Variants in TNRC6C observed in about 807,000 individuals in gnomAD.
TNRC6C encodes trinucleotide repeat containing adaptor 6C, also known as trinucleotide repeat-containing gene 6C protein.
Under a neutral mutation model 153.7 loss-of-function variants are expected in TNRC6C, and 20 were observed. That is an observed-to-expected ratio of 0.13 (90% CI 0.09 to 0.19). TNRC6C has a LOEUF of 0.19. TNRC6C is among the 10% of genes least tolerant of loss of function. The pLI is 1.00. For missense variants in TNRC6C, 1,987 were observed against 2,172.0 expected, an observed-to-expected ratio of 0.91 and a Z score of 1.69; for synonymous variants, 811 against 841.4, an observed-to-expected ratio of 0.96 and a Z score of 0.63.
intron 1 of TNRC6C, among the ~76,000 whole-genome samples, chr17:77,972,143 G>C (rs1021876902): frequency 1.3e-5 from 2 of 152,040 alleles, no homozygotes; most frequent in Non-Finnish European, 2.9e-5. Flanking sequence ...TAATTGCAAA[G>C]ATCAACAAAA....
intron 7 of TNRC6C, among the ~76,000 whole-genome samples, chr17:78,074,330 A>G (rs1417635010): frequency 6.6e-6 from 1 of 152,202 alleles, no homozygotes; most frequent in Non-Finnish European, 1.5e-5. Flanking sequence ...CATGTCCACA[A>G]ATAACCACAA....
chr17:78,035,877 C>T (rs2072168105), intron 2 of TNRC6C, among the ~76,000 whole-genome samples: 1 of 152,108 alleles, frequency 6.6e-6, no homozygotes, highest in Non-Finnish European at 1.5e-5. Flanking sequence ...GAAATAAAAG[C>T]TCTTATCAAC....
In TNRC6C at chr17:77,971,522, G is replaced by A. The variant is rs149019943; in HGVS notation, c.-38+12254G>A. Among the ~76,000 whole-genome samples, 209 of 152,084 alleles carry A rather than the reference G, an allele frequency of 1.4e-3. 1 individual carries two copies. The highest frequency in any genetic ancestry group is 4.8e-3 in the African/African-American group (199 of 41,442). On this transcript the variant is annotated intron_variant, in intron 1 of 22. Coordinates refer to the TNRC6C transcript ENST00000636222. ...TTCCACATCTTGATGGCTTTTTAAT[G>A]GGCATTTCCACTGAACAGATCCAGA...
At chr17:78,066,045 A>G (rs997074320) in intron 4 of TNRC6C, among the ~76,000 whole-genome samples, 7 of 152,140 alleles carry the variant, frequency 4.6e-5, no homozygotes, top group Admixed American at 2.0e-4. Context: ...AGCCTGGCCA[A>G]CAAGGTGAAA....
At chr17:78,000,897 T>C (rs1200617551), upstream of TNRC6C, among the ~76,000 whole-genome samples, 1 of 152,216 alleles carries the variant, frequency 6.6e-6, no homozygotes, top group Non-Finnish European at 1.5e-5. Flanking sequence ...TTGCATGAAG[T>C]GGCTGGATTC....
At chr17:77,962,410 C>T (rs2070868788) in intron 1 of TNRC6C, among the ~76,000 whole-genome samples, 1 of 152,156 alleles carries the variant, frequency 6.6e-6, no homozygotes, top group Non-Finnish European at 1.5e-5. Flanking sequence ...AATCGTTTGG[C>T]TGTGAACTCT....
At chr17:78,096,506 C>G (rs1375774741) in intron 16 of TNRC6C, among the ~76,000 whole-genome samples, 1 of 152,250 alleles carries the variant, frequency 6.6e-6, no homozygotes, top group African/African-American at 2.4e-5. Context: ...TAAAGAGGTC[C>G]CTTGCAGCAG....
intron 11 of TNRC6C, among the ~76,000 whole-genome samples, chr17:78,086,220 C>T (rs1157016086): frequency 6.7e-6 from 1 of 149,956 alleles, no homozygotes; most frequent in Non-Finnish European, 1.5e-5. Context: ...ATCCCAGCTA[C>T]TCGGGAGGCT....
chr17:78,063,755 A>G (rs887866443), intron 3 of TNRC6C, among the ~76,000 whole-genome samples: 20 of 152,176 alleles, frequency 1.3e-4, no homozygotes, highest in African/African-American at 4.6e-4. Flanking sequence ...TTAATCTGCC[A>G]TCTTCTCATT....
In TNRC6C at chr17:78,079,598, G is replaced by A. The variant is rs2073143507; in HGVS notation, c.3357+57G>A. 12 of 1,590,600 alleles carry A rather than the reference G, an allele frequency of 7.5e-6. No homozygotes were observed. In the Admixed American group the frequency reaches 2.0e-4, roughly 27 times the overall value. On this transcript the variant is annotated intron_variant, in intron 10 of 19. Coordinates refer to ENST00000301624, the Ensembl canonical transcript of TNRC6C. The surrounding 1 kb of genome is among the most constrained non-coding windows in gnomAD (Gnocchi z 4.3). ...CAGGATATAGATGCCAGTGTTTCGT[G>A]GGGTCCTGTGTTATCTGGAAGTCAC...
At chr17:78,022,075 G>C (rs1433096756) in intron 1 of TNRC6C, among the ~76,000 whole-genome samples, 1 of 152,090 alleles carries the variant, frequency 6.6e-6, no homozygotes, top group Non-Finnish European at 1.5e-5. Context: ...CTCTCACCAA[G>C]GTCATTCCCA....
In TNRC6C at chr17:78,020,355, A is replaced by C. The variant is rs116630991; in HGVS notation, c.-545-11161A>C. On this transcript the variant is annotated intron_variant, in intron 1 of 19. Coordinates refer to ENST00000301624, the Ensembl canonical transcript of TNRC6C. ...ATTAATTGAATACATGCTTTGTGGC[A>C]TTTTTTTCTGTTTGTAAAATAATGT... Among the ~76,000 whole-genome samples the C allele has an allele frequency of 8.0e-3, 1,221 of 152,256 alleles. 19 individuals carry two copies. Among genetic ancestry groups the C allele is most frequent in the African/African-American group, 0.027 (1,130 of 41,544 alleles).
chr17:78,014,097 T>G (rs1306412578), intron 1 of TNRC6C, among the ~76,000 whole-genome samples: 2 of 152,218 alleles, frequency 1.3e-5, no homozygotes, highest in Non-Finnish European at 1.5e-5. Context: ...CTAAGATTAC[T>G]GCTATTTCCC....
exon 20 of TNRC6C, chr17:78,106,085 G>A (rs1056950139): frequency 6.6e-6 from 1 of 151,628 alleles, no homozygotes; most frequent in Non-Finnish European, 1.5e-5. Flanking sequence ...GTTGAACTGT[G>A]GCCATAGATA....
chr17:77,980,726 C>A (rs553565760), intron 1 of TNRC6C, among the ~76,000 whole-genome samples: 5 of 152,154 alleles, frequency 3.3e-5, no homozygotes, highest in Non-Finnish European at 5.9e-5. Context: ...GTTGGGATTC[C>A]CACCACCCCT....
chr17:78,009,385 CT>C (rs2071581963), intron 1 of TNRC6C, among the ~76,000 whole-genome samples: 1 of 151,792 alleles, frequency 6.6e-6, no homozygotes. Flanking sequence ...TAATGATTAA[CT>C]ATGATAATTT....
chr17:78,048,900 G>A (rs907516860), exon 3 of TNRC6C: 5 of 1,262,940 alleles, frequency 4.0e-6, no homozygotes, highest in Non-Finnish European at 5.0e-6. Context: ...GGGGACAGCA[G>A]CCTACTTACA....
At chr17:78,077,977 A>G (rs2073113949) in intron 9 of TNRC6C, among the ~76,000 whole-genome samples, 1 of 152,194 alleles carries the variant, frequency 6.6e-6, no homozygotes, top group African/African-American at 2.4e-5. Flanking sequence ...TCCCTAGGAC[A>G]TCCCTTCTCT....
chr17:77,999,106 C>T (rs1005517913), intron 1 of TNRC6C, among the ~76,000 whole-genome samples: 4 of 152,158 alleles, frequency 2.6e-5, no homozygotes, highest in Non-Finnish European at 5.9e-5. Flanking sequence ...GAGTCTGCCC[C>T]ATAAATGCAT....
Sources: allele counts gnomAD v4.1 joint callset (sites outside exome capture counted in the v4.1 genomes callset), GRCh38; gene constraint gnomAD v4.1.1; non-coding constraint Gnocchi (gnomAD v3.1); transcripts MANE v1.5; gene names NCBI Gene and HGNC (gene_info 2026-07-23, HGNC 2026-07-21).